Variants in MOB3B observed in about 807,000 individuals in gnomAD.
MOB3B encodes the protein MOB kinase activator-like 2B.
In MOB3B, 7 loss-of-function variants were observed where a neutral mutation model predicts 18.7. The ratio of observed to expected loss-of-function variants is 0.37; its 90% CI spans 0.21 to 0.70. The LOEUF is 0.70. Among genes scored for constraint, MOB3B ranks in the 30% least tolerant of loss-of-function variants. The probability of loss-of-function intolerance (pLI) is 0.52; values close to 1 mark genes in which losing one functional copy is unlikely to be tolerated. For missense variants in MOB3B, 253 were observed against 281.3 expected (o/e 0.90, Z 0.72); for synonymous variants, 111 against 99.9 (o/e 1.11, Z -0.66).
intron 2 of MOB3B, among the ~76,000 whole-genome samples, chr9:27,453,113 A>C (rs4609280): frequency 0.13 from 19,261 of 152,160 alleles, 1,291 homozygotes; most frequent in African/African-American, 0.17. Flanking sequence ...AAGTTTGACA[A>C]CTGTAATATA....
chr9:27,527,116 T>G (rs570765381), intron 1 of MOB3B, among the ~76,000 whole-genome samples: 3 of 152,228 alleles, frequency 2.0e-5, no homozygotes, highest in Non-Finnish European at 2.9e-5. Context: ...TTGGGAAGAT[T>G]TTTAATTCTA....
chr9:27,377,752 A>C (rs1272932354), intron 2 of MOB3B, among the ~76,000 whole-genome samples: 1 of 152,248 alleles, frequency 6.6e-6, no homozygotes, highest in Non-Finnish European at 1.5e-5. Flanking sequence ...AAACTAGCGA[A>C]ATGTTCTCTA....
At chr9:27,376,674 G>C (rs1821493750) in intron 2 of MOB3B, among the ~76,000 whole-genome samples, 1 of 152,190 alleles carries the variant, frequency 6.6e-6, no homozygotes, top group African/African-American at 2.4e-5. Flanking sequence ...TACAGCCCTG[G>C]TTGAGAAATA....
intron 1 of MOB3B, among the ~76,000 whole-genome samples, chr9:27,477,464 T>G (rs1819571696): frequency 6.6e-6 from 1 of 152,248 alleles, no homozygotes; most frequent in South Asian, 2.1e-4. Context: ...ACTATATGTT[T>G]TACTTATTGT....
chr9:27,472,223 A>AT lies in MOB3B; in HGVS notation c.-198-16476dup, dbSNP rs557484265. On this transcript the variant is annotated intron_variant, in intron 1 of 3. Transcript: ENST00000262244. Reference sequence around the variant, plus strand: ...GTAGTTTATTTGTTTTTCCCACACTATTTTTTTTTTAATGACAAGTAAGGG... The same window carrying AT: ...GTAGTTTATTTGTTTTTCCCACACTATTTTTTTTTTTAATGACAAGTAAGGG... Among the ~76,000 whole-genome samples the AT allele has an allele frequency of 2.1e-3, 271 of 132,104 alleles. 3 individuals carry two copies. Among genetic ancestry groups the AT allele is most frequent in the South Asian group, 6.6e-3 (28 of 4,266 alleles). The allele number at this position is 132,104 out of a possible 152,430, so 86.7% of individuals were successfully genotyped here.
At chr9:27,424,111 T>C (rs1274755010) in intron 2 of MOB3B, among the ~76,000 whole-genome samples, 2 of 152,238 alleles carry the variant, frequency 1.3e-5, no homozygotes, top group Non-Finnish European at 2.9e-5. Context: ...AAGCTCTGGC[T>C]TCCTGACAGT....
intron 1 of MOB3B, among the ~76,000 whole-genome samples, chr9:27,460,771 AC>A (rs1343098293): frequency 6.6e-6 from 1 of 152,152 alleles, no homozygotes; most frequent in Non-Finnish European, 1.5e-5. Context: ...CCCCAGAAAC[AC>A]CCCGCATGAA....
chr9:27,421,880 C>T (rs189596875), intron 2 of MOB3B, among the ~76,000 whole-genome samples: 1 of 152,264 alleles, frequency 6.6e-6, no homozygotes, highest in Admixed American at 6.5e-5. Context: ...TAGCACCCAT[C>T]ACTCTCTAGC....
At chr9:27,422,579 G>T (rs1587201791) in intron 2 of MOB3B, among the ~76,000 whole-genome samples, 2 of 152,226 alleles carry the variant, frequency 1.3e-5, no homozygotes, top group East Asian at 3.8e-4. Flanking sequence ...TTGGCAATAT[G>T]TAGTTTTATG....
intron 1 of MOB3B, chr9:27,524,409 A>C (rs539855938): frequency 6.2e-7 from 1 of 1,614,086 alleles, no homozygotes; most frequent in South Asian, 1.1e-5. Flanking sequence ...CATTGCTGGC[A>C]CCCTATCCCT....
intron 3 of MOB3B, among the ~76,000 whole-genome samples, chr9:27,332,873 A>T (rs1377545296): frequency 6.6e-6 from 1 of 152,238 alleles, no homozygotes; most frequent in Non-Finnish European, 1.5e-5. Context: ...TCTTTCTACT[A>T]CACCATGTGA....
intron 2 of MOB3B, among the ~76,000 whole-genome samples, chr9:27,419,963 A>C (rs1822214241): frequency 3.9e-5 from 6 of 152,212 alleles, no homozygotes; most frequent in Admixed American, 3.9e-4. Flanking sequence ...AGTAAGAAAA[A>C]AACAAACAAT....
Position 27,510,309 on chromosome 9 carries a change from C to T in MOB3B, c.-199+19246G>A, listed in dbSNP as rs185343943. Among the ~76,000 whole-genome samples, 413 of 152,274 alleles carry T rather than the reference C, an allele frequency of 2.7e-3. 8 individuals are homozygous for T. The highest frequency in any genetic ancestry group is 2.5e-4 in the Non-Finnish European group (17 of 68,010). Reference sequence around the variant, plus strand: ...AATTATGATGTGATCATTGTTGCTGCTTATATTACCTAACCAAGAGTAACT... The same window carrying T: ...AATTATGATGTGATCATTGTTGCTGTTTATATTACCTAACCAAGAGTAACT... On this transcript the variant is annotated intron_variant, in intron 1 of 3. Coordinates refer to ENST00000262244, the MANE Select transcript of MOB3B (RefSeq NM_024761.5).
chr9:27,528,812 G>A (rs1429173075), intron 1 of MOB3B, among the ~76,000 whole-genome samples: 1 of 152,166 alleles, frequency 6.6e-6, no homozygotes, highest in African/African-American at 2.4e-5. Flanking sequence ...AGAGTCTCTG[G>A]TACTTGCCAG....
intron 1 of MOB3B, among the ~76,000 whole-genome samples, chr9:27,475,299 C>T (rs1819537490): frequency 6.6e-6 from 1 of 152,238 alleles, no homozygotes; most frequent in Non-Finnish European, 1.5e-5. Flanking sequence ...CAGCCTCAGC[C>T]TTGGGAGAGA....
chr9:27,465,187 C>T (rs536256382), intron 1 of MOB3B, among the ~76,000 whole-genome samples: 28 of 152,296 alleles, frequency 1.8e-4, no homozygotes, highest in African/African-American at 6.7e-4. Context: ...AATTCCTAGA[C>T]ACAATGTGCG....
At chr9:27,513,890 T>G (rs1342232721) in intron 1 of MOB3B, among the ~76,000 whole-genome samples, 1 of 1,076 alleles carries the variant, frequency 9.3e-4, no homozygotes, top group Non-Finnish European at 4.8e-3. Context: ...AACAGATGGA[T>G]GGATGGATGG....
At chr9:27,501,094 G>A (rs1233387030) in intron 1 of MOB3B, among the ~76,000 whole-genome samples, 1 of 152,110 alleles carries the variant, frequency 6.6e-6, no homozygotes, top group Non-Finnish European at 1.5e-5. Flanking sequence ...TAAAAAGTCA[G>A]GAAACAACAG....
At chr9:27,429,469 T>A (rs79868126) in intron 2 of MOB3B, among the ~76,000 whole-genome samples, 11,324 of 152,194 alleles carry the variant, frequency 0.074, 482 homozygotes, top group South Asian at 0.11. Context: ...AATATTCTAA[T>A]CACACTCAGA....
Sources: allele counts gnomAD v4.1 joint callset (sites outside exome capture counted in the v4.1 genomes callset), GRCh38; gene constraint gnomAD v4.1.1; transcripts MANE v1.5; gene names NCBI Gene and HGNC (gene_info 2026-07-23, HGNC 2026-07-21).